The following RASD2 variants were observed in gnomAD, a reference collection of about 807,000 sequenced individuals.
RASD2 encodes the protein RASD family member 2, also known as GTP-binding protein Rhes.
In RASD2, 7 loss-of-function variants were observed where a neutral mutation model predicts 15.8. That is an observed-to-expected ratio of 0.44 (90% CI 0.25 to 0.83). RASD2 has a LOEUF of 0.83. RASD2 is among the 40% of genes least tolerant of loss of function. The pLI, the probability that RASD2 is intolerant of heterozygous loss-of-function variation, is 0.20. For missense variants in RASD2, 274 were observed against 382.8 expected (o/e 0.72, Z 2.37); for synonymous variants, 155 against 153.6 (o/e 1.01, Z -0.07).
At chr22:35,548,769 T>A (rs1262016723) in intron 2 of RASD2, among the ~76,000 whole-genome samples, 3 of 152,238 alleles carry the variant, frequency 2.0e-5, no homozygotes, top group Non-Finnish European at 2.9e-5. Context: ...TGTGTTCGAA[T>A]CCTTGCTGGG....
intron 1 of RASD2, among the ~76,000 whole-genome samples, chr22:35,543,213 A>T (rs1601811374): frequency 6.6e-6 from 1 of 152,092 alleles, no homozygotes; most frequent in South Asian, 2.1e-4. Flanking sequence ...GCGTCCCCTC[A>T]TCTCTGCTCT....
At position 35,551,894 on chromosome 22, in the gene RASD2, C is replaced by T. The variant is rs754041376; in HGVS notation, c.663C>T (p.Arg221=). ...AFHPRPFCMR[R]VKEMDAYGMV... ...ACCCCAGGCCCTTCTGCATGCGCCG[C>T]GTCAAGGAGATGGACGCCTATGGCA... Residue 221 remains arginine, a synonymous_variant, in exon 3 of 3, where the codon CGC becomes CGT. Coordinates refer to ENST00000216127, the MANE Select transcript of RASD2 (RefSeq NM_014310.4). The surrounding 1 kb of genome is among the most constrained non-coding windows in gnomAD (Gnocchi z 4.9). 7 of 1,613,262 alleles carry T rather than the reference C, an allele frequency of 4.3e-6. No individual in the cohort carries two copies. In the African/African-American group the frequency reaches 5.3e-5, roughly 12 times the overall value.
At chr22:35,543,792 A>G (rs1418932687) in intron 1 of RASD2, among the ~76,000 whole-genome samples, 2 of 148,754 alleles carry the variant, frequency 1.3e-5, no homozygotes, top group East Asian at 2.0e-4. Flanking sequence ...TGCCTCCTCT[A>G]TCTGTCACCT....
intron 1 of RASD2, among the ~76,000 whole-genome samples, chr22:35,543,887 C>G (rs1208008557): frequency 6.7e-6 from 1 of 149,118 alleles, no homozygotes; most frequent in Non-Finnish European, 1.5e-5. Context: ...TGACTCCCTG[C>G]CTCCCCTCTC....
Position 35,552,645 on chromosome 22 carries a change from CTTAGACCACGCCCACCT to C in RASD2, c.*614_*630del. The C allele has an allele frequency of 1.3e-5, 2 of 153,134 alleles. No individual in the cohort carries two copies. The highest frequency in any genetic ancestry group is 4.8e-5 in the African/African-American group (2 of 41,338). 9.5% of individuals were successfully genotyped at this position (153,134 alleles called of 1,614,324 possible). A position where few individuals can be genotyped will look rare whatever the true frequency, so the allele number is the denominator to read the frequency against. On this transcript the variant is annotated 3_prime_UTR_variant, in exon 3 of 3. Coordinates refer to ENST00000216127, the MANE Select transcript of RASD2 (RefSeq NM_014310.4). ...CACACCTCCTAGACCACGCCCACCA[CTTAGACCACGCCCACCT>C]CCTGACCGCGTTCCTCAGCCTCCTC...
At chr22:35,546,290 C>T (rs1934501332) in intron 1 of RASD2, among the ~76,000 whole-genome samples, 2 of 152,274 alleles carry the variant, frequency 1.3e-5, no homozygotes, top group African/African-American at 4.8e-5. Context: ...CACCCCCTGC[C>T]CCAGGCTTAA....
At chr22:35,540,366 G>A (rs1193410792), upstream of RASD2, among the ~76,000 whole-genome samples, 2 of 149,978 alleles carry the variant, frequency 1.3e-5, no homozygotes, top group East Asian at 3.9e-4. Context: ...CGGAACCGCA[G>A]ACCGCGGCGC....
At chr22:35,548,787 G>T (rs1474926673) in intron 2 of RASD2, among the ~76,000 whole-genome samples, 1 of 152,214 alleles carries the variant, frequency 6.6e-6, no homozygotes, top group African/African-American at 2.4e-5. Context: ...GGGCCTCTTG[G>T]CTTAAATGTG....
intron 1 of RASD2, among the ~76,000 whole-genome samples, chr22:35,542,231 G>C (rs1934368841): frequency 1.3e-5 from 2 of 152,180 alleles, no homozygotes; most frequent in Non-Finnish European, 2.9e-5. Context: ...AGACAAGATG[G>C]GGTCCCTGCA....
chr22:35,538,756 T>C (rs554008055), upstream of RASD2, among the ~76,000 whole-genome samples: 161 of 152,344 alleles, frequency 1.1e-3, no homozygotes, highest in Admixed American at 2.6e-3. Flanking sequence ...ATTTCCGTGA[T>C]GGAGGTGGCA....
At chr22:35,550,848 G>C (rs945602222) in intron 2 of RASD2, among the ~76,000 whole-genome samples, 2 of 152,194 alleles carry the variant, frequency 1.3e-5, no homozygotes, top group Non-Finnish European at 2.9e-5. Flanking sequence ...CAGAGGCATA[G>C]TGAGGAATCA....
chr22:35,552,116 C>A lies in RASD2; in HGVS notation c.*84C>A. ...CACTGTGCGCATCTCCCCACCGAGG[C>A]CCCGGCAGCAGTCTTGTTCACAGAC... On this transcript the variant is annotated 3_prime_UTR_variant, in exon 3 of 3. Coordinates refer to ENST00000216127, the MANE Select transcript of RASD2 (RefSeq NM_014310.4). 1 of 1,477,940 alleles carries A rather than the reference C, an allele frequency of 6.8e-7. No individual in the cohort carries two copies. Among genetic ancestry groups the A allele is most frequent in the African/African-American group, 1.4e-5 (1 of 71,990 alleles). 91.6% of individuals were successfully genotyped at this position (1,477,940 alleles called of 1,614,324 possible). A position where few individuals can be genotyped will look rare whatever the true frequency, so the allele number is the denominator to read the frequency against.
At chr22:35,538,589 G>A (rs983590277), upstream of RASD2, among the ~76,000 whole-genome samples, 1 of 152,216 alleles carries the variant, frequency 6.6e-6, no homozygotes, top group Non-Finnish European at 1.5e-5. Flanking sequence ...GGGGAGGGCA[G>A]GAGCAGAAGA....
chr22:35,543,748 C>T (rs1396816840), intron 1 of RASD2, among the ~76,000 whole-genome samples: 3 of 152,120 alleles, frequency 2.0e-5, no homozygotes, highest in Non-Finnish European at 4.4e-5. Flanking sequence ...TCTTTTTCCC[C>T]ACCCTGATTC....
At chr22:35,550,747 C>T (rs980797041) in intron 2 of RASD2, among the ~76,000 whole-genome samples, 1 of 152,216 alleles carries the variant, frequency 6.6e-6, no homozygotes, top group Non-Finnish European at 1.5e-5. Flanking sequence ...CTCAGCCTAG[C>T]CACACGGAAG....
At chr22:35,535,665 G>T in the RASD2 span, among the ~76,000 whole-genome samples, 1 of 152,182 alleles carries the variant, frequency 6.6e-6, no homozygotes, top group South Asian at 2.1e-4. Context: ...GAGATGAGCA[G>T]CCCCTCAGGC....
chr22:35,552,013 A>T lies in RASD2; in HGVS notation c.782A>T (p.Asp261Val), dbSNP rs1170604007. 1 of 1,597,906 alleles carries T rather than the reference A, an allele frequency of 6.3e-7. No individual in the cohort carries two copies. Among genetic ancestry groups the T allele is most frequent in the Non-Finnish European group, 8.5e-7 (1 of 1,178,654 alleles). ...CGGGAAGGCCAGGCCCGTGAGAGGG[A>T]CAAGTGCACCATCCAGTGAGCGAGG... is the stretch of plus-strand genomic sequence containing the variant. ...VLREGQARER[D>V]KCTIQ The change falls in exon 3 of 3, where the codon GAC becomes GTC. Residue 261 changes from aspartate (D) to valine (V), a missense_variant. Coordinates refer to ENST00000216127, the MANE Select transcript of RASD2 (RefSeq NM_014310.4).
chr22:35,540,586 G>T (rs1934320185), upstream of RASD2, among the ~76,000 whole-genome samples: 1 of 151,974 alleles, frequency 6.6e-6, no homozygotes, highest in South Asian at 2.1e-4. Flanking sequence ...GGTGCCGCTG[G>T]GACCGTCATC....
chr22:35,546,793 TG>T lies in RASD2; in HGVS notation c.-9-7del, dbSNP rs746932347. On this transcript the variant is annotated splice_region_variant and splice_polypyrimidine_tract_variant and intron_variant, in intron 1 of 2. Transcript: ENST00000216127. ...GCCCTGATGCCTGCTTCTCTCGCTT[TG>T]TTGCAGCCCCGAGCCATGATGAAGA... 1.2e-6 allele frequency: 2 copies of T among 1,610,566 alleles called. No homozygotes were observed. The highest frequency in any genetic ancestry group is 2.7e-5 in the African/African-American group (2 of 74,812).
Sources: allele counts gnomAD v4.1 joint callset (sites outside exome capture counted in the v4.1 genomes callset), GRCh38; gene constraint gnomAD v4.1.1; non-coding constraint Gnocchi (gnomAD v3.1); transcripts MANE v1.5; gene names NCBI Gene and HGNC (gene_info 2026-07-23, HGNC 2026-07-21).